The following LDLRAD4 variants were observed in gnomAD, a reference collection of about 807,000 sequenced individuals.
LDLRAD4 encodes low density lipoprotein receptor class A domain containing 4.
Under a neutral mutation model 17.0 loss-of-function variants are expected in LDLRAD4, and 5 were observed. That is an observed-to-expected ratio of 0.29 (90% CI 0.15 to 0.62). The LOEUF is 0.62. Ranked by LOEUF, LDLRAD4 falls within the 20% of genes least tolerant of loss-of-function variation. The pLI is 0.84. For synonymous variants in LDLRAD4, 168 were observed against 171.8 expected (o/e 0.98, Z 0.17); for missense variants, 340 against 424.7 (o/e 0.80, Z 1.75).
intron 1 of LDLRAD4, among the ~76,000 whole-genome samples, chr18:13,228,133 C>A (rs1598766016): frequency 6.6e-6 from 1 of 152,196 alleles, no homozygotes; most frequent in African/African-American, 2.4e-5. Flanking sequence ...CTGCCCTCAC[C>A]TGTGGCAGTG....
intron 1 of LDLRAD4, among the ~76,000 whole-genome samples, chr18:13,378,130 G>C (rs991396144): frequency 7.2e-5 from 11 of 152,202 alleles, no homozygotes; most frequent in Admixed American, 7.2e-4. Flanking sequence ...AAATGACTCT[G>C]ATCGTTCATT....
chr18:13,377,026 C>T (rs2084961472), intron 1 of LDLRAD4, among the ~76,000 whole-genome samples: 2 of 152,192 alleles, frequency 1.3e-5, no homozygotes, highest in Admixed American at 6.5e-5. Context: ...CCTGCCTCGC[C>T]TGGCCTTGCA....
At chr18:13,286,662 C>T (rs962547741) in intron 1 of LDLRAD4, among the ~76,000 whole-genome samples, 2 of 152,236 alleles carry the variant, frequency 1.3e-5, no homozygotes, top group African/African-American at 4.8e-5. Flanking sequence ...AACCACTGCA[C>T]TTTTCAGAGG....
chr18:13,335,676 A>G (rs947835777), intron 1 of LDLRAD4, among the ~76,000 whole-genome samples: 1 of 152,208 alleles, frequency 6.6e-6, no homozygotes, highest in Non-Finnish European at 1.5e-5. Context: ...TGTGTGTTCA[A>G]AACTGTTAGT....
At chr18:13,261,429 G>A (rs2043808727) in intron 1 of LDLRAD4, among the ~76,000 whole-genome samples, 1 of 152,358 alleles carries the variant, frequency 6.6e-6, no homozygotes, top group South Asian at 2.1e-4. Flanking sequence ...GCCCAGCACA[G>A]TGCCTGCCTG....
intron 2 of LDLRAD4, among the ~76,000 whole-genome samples, chr18:13,417,164 T>C (rs2088976410): frequency 6.6e-6 from 1 of 152,254 alleles, no homozygotes; most frequent in Non-Finnish European, 1.5e-5. Context: ...GGCTTGTAGC[T>C]TGAGAGGTTC....
In LDLRAD4 at chr18:13,621,352, G is replaced by A; in HGVS notation, c.336+81G>A. ...GCCCATCAGGGTTCAGAGGCCGGGA[G>A]TGCTTTCAGTTGACATGTAACAAAC... On this transcript the variant is annotated intron_variant, in intron 4 of 5. Coordinates refer to ENST00000359446, the Ensembl canonical transcript of LDLRAD4. This position sits in a 1 kb window ranked among gnomAD's most constrained non-coding sequence, Gnocchi z 5.5. 1 of 1,114,520 alleles carries A rather than the reference G, an allele frequency of 9.0e-7. No individual in the cohort carries two copies. The highest frequency in any genetic ancestry group is 1.3e-6 in the Non-Finnish European group (1 of 749,864). The allele number at this position is 1,114,520 out of a possible 1,614,324, so 69.0% of individuals were successfully genotyped here. A position where few individuals can be genotyped will look rare whatever the true frequency, so the allele number is the denominator to read the frequency against.
intron 2 of LDLRAD4, among the ~76,000 whole-genome samples, chr18:13,397,959 C>A (rs1416841899): frequency 2.0e-5 from 3 of 152,242 alleles, no homozygotes; most frequent in Non-Finnish European, 2.9e-5. Flanking sequence ...GGTGCTTTCG[C>A]ATATGTGGCC....
intron 1 of LDLRAD4, among the ~76,000 whole-genome samples, chr18:13,225,057 C>CAA: frequency 2.0e-5 from 3 of 150,986 alleles, no homozygotes; most frequent in Admixed American, 6.6e-5. Flanking sequence ...GCTGGTTTCT[C>CAA]ACTCCTCACC....
At chr18:13,509,007 A>G (rs530172793) in intron 3 of LDLRAD4, among the ~76,000 whole-genome samples, 1 of 152,354 alleles carries the variant, frequency 6.6e-6, no homozygotes, top group African/African-American at 2.4e-5. Context: ...AGAAAAGGTC[A>G]AAATATCAGC....
At chr18:13,407,415 T>A (rs992356136) in intron 2 of LDLRAD4, among the ~76,000 whole-genome samples, 27 of 152,262 alleles carry the variant, frequency 1.8e-4, no homozygotes, top group Non-Finnish European at 2.9e-4. Flanking sequence ...TTAGGCGCTA[T>A]GTTAGCACCG....
intron 3 of LDLRAD4, among the ~76,000 whole-genome samples, chr18:13,474,073 C>G (rs1420965151): frequency 6.6e-6 from 1 of 152,080 alleles, no homozygotes; most frequent in Non-Finnish European, 1.5e-5. Flanking sequence ...GAACCCGCCT[C>G]GTGCTCTTTC....
At chr18:13,395,768 G>T (rs960561645) in intron 2 of LDLRAD4, among the ~76,000 whole-genome samples, 1 of 150,396 alleles carries the variant, frequency 6.6e-6, no homozygotes, top group Non-Finnish European at 1.5e-5. Context: ...GCGTGGGGGT[G>T]GGGGCATGGG....
intron 3 of LDLRAD4, among the ~76,000 whole-genome samples, chr18:13,531,587 CTTTT>C (rs10680224): frequency 8.0e-6 from 1 of 124,616 alleles, no homozygotes; most frequent in Non-Finnish European, 1.6e-5. Context: ...AAGACTCCAT[CTTTT>C]TTTTTTTTTT....
intron 3 of LDLRAD4, among the ~76,000 whole-genome samples, chr18:13,467,186 G>A (rs575550134): frequency 2.0e-5 from 3 of 152,266 alleles, no homozygotes; most frequent in African/African-American, 7.2e-5. Flanking sequence ...GCATCCAATT[G>A]CAAAGAAAAG....
intron 3 of LDLRAD4, among the ~76,000 whole-genome samples, chr18:13,441,193 TG>T (rs2091000945): frequency 6.6e-6 from 1 of 152,162 alleles, no homozygotes; most frequent in Admixed American, 6.5e-5. Context: ...CGTATTCTGT[TG>T]GGCAGCGAAC....
At chr18:13,618,291 G>A (rs926729027) in intron 3 of LDLRAD4, among the ~76,000 whole-genome samples, 1 of 152,258 alleles carries the variant, frequency 6.6e-6, no homozygotes, top group African/African-American at 2.4e-5. Flanking sequence ...GGAGGCCTGG[G>A]CTTTCCCCCG....
intron 3 of LDLRAD4, chr18:13,491,107 C>T (rs3809900): frequency 0.099 from 15,132 of 152,322 alleles, 818 homozygotes; most frequent in East Asian, 0.14. Flanking sequence ...ATGGGAAAGG[C>T]CGCAGACCCT....
chr18:13,444,045 G>A (rs2091221179), intron 3 of LDLRAD4, among the ~76,000 whole-genome samples: 1 of 152,110 alleles, frequency 6.6e-6, no homozygotes, highest in African/African-American at 2.4e-5. Flanking sequence ...AGTAATTAGT[G>A]GGGATACATC....
Sources: gnomAD v4.1 joint callset for allele counts (sites outside exome capture counted in the v4.1 genomes callset) on GRCh38, gnomAD v4.1.1 for gene constraint, Gnocchi (gnomAD v3.1) non-coding constraint, MANE v1.5 for transcripts, NCBI Gene and HGNC (gene_info 2026-07-23, HGNC 2026-07-21) for gene names.